The following TMPRSS11A variants were observed in gnomAD, a reference collection of about 807,000 sequenced individuals.
TMPRSS11A encodes the protein transmembrane protease serine 11A.
A neutral mutation model predicts 58.9 loss-of-function variants in TMPRSS11A; 53 were observed. The observed-to-expected ratio is 0.90, with a 90% CI of 0.72 to 1.13. The LOEUF (loss-of-function observed/expected upper bound fraction) is 1.13, where lower values mean the gene tolerates loss of function less well. Among genes scored for constraint, TMPRSS11A ranks in the 50% most tolerant of loss-of-function variants. TMPRSS11A has a pLI of 0.00. For missense variants in TMPRSS11A, 493 were observed against 499.3 expected (o/e 0.99, Z 0.12); for synonymous variants, 167 against 169.8 (o/e 0.98, Z 0.13).
At chr4:67,946,814 G>A (rs965228338) in intron 1 of TMPRSS11A, among the ~76,000 whole-genome samples, 83 of 152,026 alleles carry the variant, frequency 5.5e-4, no homozygotes, top group African/African-American at 1.9e-3. Flanking sequence ...TGGTGGTCAG[G>A]AATGGTTTCT....
chr4:67,925,562 A>T (rs535265448), intron 5 of TMPRSS11A, among the ~76,000 whole-genome samples: 69 of 152,344 alleles, frequency 4.5e-4, no homozygotes, highest in Admixed American at 3.5e-3. Flanking sequence ...AAAATATTCA[A>T]TTCAAATATA....
At chr4:67,917,051 T>C (rs1443596967) in intron 8 of TMPRSS11A, among the ~76,000 whole-genome samples, 1 of 152,148 alleles carries the variant, frequency 6.6e-6, no homozygotes, top group Non-Finnish European at 1.5e-5. Flanking sequence ...ATGACATTTC[T>C]AGCAAAATAT....
intron 5 of TMPRSS11A, 37 bp downstream of exon 5, chr4:67,929,839 TAATA>T: frequency 6.6e-7 from 1 of 1,508,966 alleles, no homozygotes. Context: ...AACATGGACC[TAATA>T]GACAACTTCA....
chr4:67,952,540 C>T (rs1721188836), intron 1 of TMPRSS11A, among the ~76,000 whole-genome samples: 1 of 152,140 alleles, frequency 6.6e-6, no homozygotes, highest in South Asian at 2.1e-4. Context: ...TAAATTCTTA[C>T]ATACTTTGAA....
chr4:67,931,261 C>T (rs1299028595), intron 4 of TMPRSS11A, among the ~76,000 whole-genome samples: 4 of 152,078 alleles, frequency 2.6e-5, no homozygotes, highest in Non-Finnish European at 5.9e-5. Context: ...ACTTTGAGTA[C>T]ACCTGCCAAC....
At chr4:67,921,935 C>A (rs1720342245) in intron 7 of TMPRSS11A, among the ~76,000 whole-genome samples, 1 of 152,008 alleles carries the variant, frequency 6.6e-6, no homozygotes, top group East Asian at 1.9e-4. Flanking sequence ...ATCTAAAATT[C>A]TAAATGTAAT....
chr4:67,952,496 T>C (rs1254893646), intron 1 of TMPRSS11A, among the ~76,000 whole-genome samples: 1 of 152,166 alleles, frequency 6.6e-6, no homozygotes, highest in Non-Finnish European at 1.5e-5. Context: ...CAAATTTGAT[T>C]TTGCTTTCAT....
At chr4:67,955,865 T>C (rs1721277258) in intron 1 of TMPRSS11A, among the ~76,000 whole-genome samples, 1 of 152,208 alleles carries the variant, frequency 6.6e-6, no homozygotes, top group African/African-American at 2.4e-5. Context: ...ACTTATTTTC[T>C]GTAAATATTT....
intron 1 of TMPRSS11A, among the ~76,000 whole-genome samples, chr4:67,955,151 C>T (rs1721255082): frequency 6.6e-6 from 1 of 152,078 alleles, no homozygotes; most frequent in Admixed American, 6.5e-5. Flanking sequence ...AGTACCAGAA[C>T]ATTATTAATG....
intron 9 of TMPRSS11A, among the ~76,000 whole-genome samples, chr4:67,911,785 A>G (rs1719987891): frequency 6.6e-6 from 1 of 152,136 alleles, no homozygotes; most frequent in Non-Finnish European, 1.5e-5. Flanking sequence ...GTTATGTCCC[A>G]TGTTACCTCA....
chr4:67,956,425 T>C lies in TMPRSS11A; in HGVS notation c.11+6958A>G, dbSNP rs114936093. On this transcript the variant is annotated intron_variant, in intron 1 of 9. Transcript: ENST00000508048. ...TCAGATCTTGCTTATATTACTTTCA[T>C]ATCTCCAGTGGGTCAATTTCTTGTC... Among the ~76,000 whole-genome samples, 567 of 152,318 alleles carry C rather than the reference T, an allele frequency of 3.7e-3. 7 individuals are homozygous for C. Among genetic ancestry groups the C allele is most frequent in the African/African-American group, 0.013 (543 of 41,574 alleles).
chr4:67,959,086 T>G (rs1390432540), intron 1 of TMPRSS11A, among the ~76,000 whole-genome samples: 1 of 152,058 alleles, frequency 6.6e-6, no homozygotes, highest in African/African-American at 2.4e-5. Context: ...ATCAGCAGCA[T>G]GAAAATGGAT....
In TMPRSS11A at chr4:67,911,240, A is replaced by G; in HGVS notation, c.*102T>C. On this transcript the variant is annotated 3_prime_UTR_variant, in exon 10 of 10. Transcript: ENST00000508048. ...TTGTGTGTTTCATGTTACTAGATCCAGTAATTTAATATCACTTTGTTGTAC... is the reference window on the plus strand; with the variant it reads ...TTGTGTGTTTCATGTTACTAGATCCGGTAATTTAATATCACTTTGTTGTAC... The G allele has an allele frequency of 9.8e-7, 1 of 1,023,490 alleles. No homozygotes were observed. Among genetic ancestry groups the G allele is most frequent in the Non-Finnish European group, 1.4e-6 (1 of 705,448 alleles). 63.4% of individuals were successfully genotyped at this position (1,023,490 alleles called of 1,614,324 possible).
intron 8 of TMPRSS11A, among the ~76,000 whole-genome samples, chr4:67,916,417 TAA>T (rs1720148047): frequency 6.6e-6 from 1 of 152,198 alleles, no homozygotes; most frequent in Admixed American, 6.5e-5. Flanking sequence ...AGAAATATGC[TAA>T]GAGATTTTTC....
rs1222398387 is a variant in TMPRSS11A, at chr4:67,909,545, T to G, written c.*1797A>C. On this transcript the variant is annotated 3_prime_UTR_variant, in exon 10 of 10. Transcript: ENST00000508048. ...TGAATCTGAACATCCAAAGTCAGCA[T>G]TAAGTTTTACCACCATAATATAGAA... is the stretch of plus-strand genomic sequence containing the variant. 1 of 152,182 alleles carries G rather than the reference T, an allele frequency of 6.6e-6. No homozygotes were observed. The highest frequency in any genetic ancestry group is 1.5e-5 in the Non-Finnish European group (1 of 68,000). 9.4% of individuals were successfully genotyped at this position (152,182 alleles called of 1,614,324 possible). A position where few individuals can be genotyped will look rare whatever the true frequency, so the allele number is the denominator to read the frequency against.
intron 1 of TMPRSS11A, among the ~76,000 whole-genome samples, chr4:67,954,968 T>A (rs1167109878): frequency 6.6e-6 from 1 of 152,216 alleles, no homozygotes; most frequent in Non-Finnish European, 1.5e-5. Flanking sequence ...TTATCATTCT[T>A]TTTATTGTTA....
In TMPRSS11A at chr4:67,911,502, C is replaced by A. The variant is rs1444328066; in HGVS notation, c.1097G>T (p.Gly366Val). The A allele has an allele frequency of 1.3e-6, 2 of 1,597,276 alleles. No homozygotes were observed. Among genetic ancestry groups the A allele is most frequent in the Non-Finnish European group, 1.7e-6 (2 of 1,174,892 alleles). The change falls in exon 10 of 10, where the codon GGT becomes GTT. Residue 366 changes from glycine to valine, a missense_variant and splice_region_variant. Physicochemically the swap from Gly to Val is moderately radical, Grantham distance 109. Coordinates refer to ENST00000508048, the MANE Select transcript of TMPRSS11A (RefSeq NM_001114387.2). Reference sequence around the variant, plus strand: ...TGTGACTAAAGGTCCCCCAGAATCACCCTAAAAATAAAAACATAAGAAAAA... The same window carrying A: ...TGTGACTAAAGGTCCCCCAGAATCAACCTAAAAATAAAAACATAAGAAAAA... ...YMEGIYDACR[G>V]DSGGPLVTRD...
intron 1 of TMPRSS11A, 130 bp from the exon 2 acceptor site, chr4:67,946,701 G>A (rs1721025430): frequency 4.7e-6 from 4 of 847,182 alleles, no homozygotes; most frequent in African/African-American, 3.5e-5. Context: ...TTTGTTCAAT[G>A]TCATCTTGGT....
Position 67,922,851 on chromosome 4 carries a change from G to A in TMPRSS11A, c.596C>T (p.Pro199Leu). Residue 199 changes from proline (P) to leucine (L), a missense_variant, in exon 7 of 10, where the codon CCT (proline) becomes CTT (leucine). Physicochemically the swap from Pro to Leu is moderately conservative, Grantham distance 98. Transcript: ENST00000508048. ...SGVIAPKAAW[P>L]WQASLQYDNI... ...ATCATACTGAAGGGAAGCTTGCCAA[G>A]GCCAGGCCGCCTTGGGTGCAATGAC... 6.2e-7 allele frequency: 1 copy of A among 1,614,176 alleles called. No individual in the cohort carries two copies. The highest frequency in any genetic ancestry group is 8.5e-7 in the Non-Finnish European group (1 of 1,180,018).
Sources: allele counts gnomAD v4.1 joint callset (sites outside exome capture counted in the v4.1 genomes callset), GRCh38; gene constraint gnomAD v4.1.1; transcripts MANE v1.5; gene names NCBI Gene and HGNC (gene_info 2026-07-23, HGNC 2026-07-21).